The following ARB2A variants were observed in gnomAD, a reference collection of about 807,000 sequenced individuals.
ARB2A encodes the protein cotranscriptional regulator ARB2A.
the ARB2A span, among the ~76,000 whole-genome samples, chr5:93,933,199 T>C: frequency 6.6e-6 from 1 of 152,204 alleles, no homozygotes; most frequent in African/African-American, 2.4e-5. Flanking sequence ...TTTAAACTGT[T>C]GGTGGAAATG....
the ARB2A span, among the ~76,000 whole-genome samples, chr5:94,012,741 T>G: frequency 6.6e-6 from 1 of 152,130 alleles, no homozygotes; most frequent in Admixed American, 6.5e-5. Context: ...GAAAAGACTG[T>G]TATCAAGCAG....
At chr5:94,048,722 G>A in the ARB2A span, among the ~76,000 whole-genome samples, 132 of 152,250 alleles carry the variant, frequency 8.7e-4, 1 homozygote, top group South Asian at 0.026. Context: ...CTTCTAAAGG[G>A]GCTATTAGCA....
the ARB2A span, among the ~76,000 whole-genome samples, chr5:93,846,262 A>G: frequency 6.6e-6 from 1 of 151,856 alleles, no homozygotes; most frequent in Non-Finnish European, 1.5e-5. Context: ...CCAGCCCTTT[A>G]GGAGACTGAG....
chr5:93,782,180 G>A, the ARB2A span, among the ~76,000 whole-genome samples: 3 of 152,098 alleles, frequency 2.0e-5, no homozygotes, highest in Admixed American at 6.5e-5. Context: ...GCTCCATCAG[G>A]CATGATCTAA....
At chr5:94,053,133 A>G in the ARB2A span, 6 of 1,573,022 alleles carry the variant, frequency 3.8e-6, no homozygotes, top group Non-Finnish European at 5.2e-6. Flanking sequence ...TACTTTCATT[A>G]AAAGCATATT....
chr5:93,767,703 G>C, the ARB2A span, among the ~76,000 whole-genome samples: 2 of 151,912 alleles, frequency 1.3e-5, no homozygotes, highest in East Asian at 3.9e-4. Flanking sequence ...CCATAAAAAG[G>C]AATGAATTAG....
the ARB2A span, among the ~76,000 whole-genome samples, chr5:93,755,873 G>A: frequency 1.3e-5 from 2 of 152,218 alleles, no homozygotes; most frequent in Non-Finnish European, 2.9e-5. Context: ...AGGGCGAGAA[G>A]CCTCCTGGCC....
At chr5:93,673,238 C>A in the ARB2A span, among the ~76,000 whole-genome samples, 3 of 152,138 alleles carry the variant, frequency 2.0e-5, no homozygotes, top group Admixed American at 6.6e-5. Flanking sequence ...TGCTTACTGA[C>A]CCTGACAGTT....
chr5:94,024,764 T>C, the ARB2A span, among the ~76,000 whole-genome samples: 1 of 152,104 alleles, frequency 6.6e-6, no homozygotes, highest in Admixed American at 6.5e-5. Context: ...GATGAATAAA[T>C]ATTCTGCAAG....
the ARB2A span, chr5:93,620,943 G>A: frequency 3.8e-6 from 6 of 1,595,784 alleles, no homozygotes; most frequent in South Asian, 1.1e-5. Flanking sequence ...GGAGGCGTGC[G>A]GGTGGGTGCG....
At chr5:94,052,918 AC>A in the ARB2A span, among the ~76,000 whole-genome samples, 8 of 152,336 alleles carry the variant, frequency 5.3e-5, no homozygotes, top group East Asian at 1.5e-3. Flanking sequence ...GTTACTTGTT[AC>A]TTGGTTCTTT....
the ARB2A span, among the ~76,000 whole-genome samples, chr5:93,845,042 A>G: frequency 6.6e-6 from 1 of 152,232 alleles, no homozygotes; most frequent in African/African-American, 2.4e-5. Flanking sequence ...CCCTCTAGCC[A>G]TATTTCTGAT....
At chr5:93,711,057 G>A in the ARB2A span, among the ~76,000 whole-genome samples, 1 of 152,100 alleles carries the variant, frequency 6.6e-6, no homozygotes, top group African/African-American at 2.4e-5. Flanking sequence ...CAATCTGGCA[G>A]TTTTACCACT....
the ARB2A span, among the ~76,000 whole-genome samples, chr5:93,901,813 T>C: frequency 6.6e-6 from 1 of 152,196 alleles, no homozygotes; most frequent in Admixed American, 6.6e-5. Context: ...TTTCTATAAA[T>C]AGGTATACAT....
chr5:93,765,264 T>G, the ARB2A span, among the ~76,000 whole-genome samples: 1 of 152,218 alleles, frequency 6.6e-6, no homozygotes, highest in South Asian at 2.1e-4. Context: ...TGTCCCTGTT[T>G]GCAGACGACG....
At chr5:93,741,506 C>A in the ARB2A span, 2 of 1,611,000 alleles carry the variant, frequency 1.2e-6, no homozygotes, top group Non-Finnish European at 1.7e-6. Flanking sequence ...CCTCTGGGGC[C>A]GCCCCCACCA....
the ARB2A span, among the ~76,000 whole-genome samples, chr5:94,086,323 A>G: frequency 2.6e-5 from 4 of 152,330 alleles, no homozygotes; most frequent in African/African-American, 9.6e-5. Flanking sequence ...GACAGAATGC[A>G]TATTAAGACA....
chr5:93,957,831 A>G, the ARB2A span, among the ~76,000 whole-genome samples: 1 of 152,042 alleles, frequency 6.6e-6, no homozygotes, highest in African/African-American at 2.4e-5. Context: ...TCTAATTTTA[A>G]TTACAAACGT....
At chr5:93,626,326 G>T in the ARB2A span, among the ~76,000 whole-genome samples, 1 of 152,088 alleles carries the variant, frequency 6.6e-6, no homozygotes, top group South Asian at 2.1e-4. Context: ...CAGAGATAAG[G>T]TTTACTGGTA....
Sources: gnomAD v4.1 joint callset for allele counts (sites outside exome capture counted in the v4.1 genomes callset) on GRCh38, gnomAD v4.1.1 for gene constraint, MANE v1.5 for transcripts, NCBI Gene and HGNC (gene_info 2026-07-23, HGNC 2026-07-21) for gene names.